FBP1: variants seen among roughly 807,000 people sequenced by gnomAD.
FBP1 encodes the protein fructose-bisphosphatase 1.
Under a neutral mutation model 29.9 loss-of-function variants are expected in FBP1, and 22 were observed. The observed-to-expected ratio is 0.74, with a 90% CI of 0.53 to 1.05. The LOEUF (loss-of-function observed/expected upper bound fraction) is 1.05. Among genes scored for constraint, FBP1 ranks in the 50% least tolerant of loss-of-function variants. The pLI is 0.00. For synonymous variants in FBP1, 175 were observed against 178.6 expected (o/e 0.98, Z 0.16); for missense variants, 345 against 448.2 (o/e 0.77, Z 2.08).
chr9:94,622,606 G>A (rs952830587), intron 1 of FBP1, among the ~76,000 whole-genome samples: 3 of 152,212 alleles, frequency 2.0e-5, no homozygotes, highest in Non-Finnish European at 2.9e-5. Context: ...GCCTGTCAGC[G>A]TCTTTCAGCC....
chr9:94,617,310 C>A (rs1827878149), intron 3 of FBP1, among the ~76,000 whole-genome samples: 1 of 152,106 alleles, frequency 6.6e-6, no homozygotes, highest in Non-Finnish European at 1.5e-5. Flanking sequence ...AATGGTTATT[C>A]TTTGTTCACA....
At chr9:94,608,974 G>A (rs1298838386) in intron 4 of FBP1, among the ~76,000 whole-genome samples, 1 of 152,168 alleles carries the variant, frequency 6.6e-6, no homozygotes, top group Non-Finnish European at 1.5e-5. Context: ...GCTGAGGCGG[G>A]CAGATCACCT....
chr9:94,632,934 TCTC>T (rs1828125278), intron 1 of FBP1, among the ~76,000 whole-genome samples: 1 of 152,042 alleles, frequency 6.6e-6, no homozygotes, highest in Non-Finnish European at 1.5e-5. Context: ...CTGGTCCAGA[TCTC>T]CTCCTCTTTT....
At position 94,603,403 on chromosome 9, in the gene FBP1, T is replaced by G; in HGVS notation, c.995A>C (p.Tyr332Ser). ...TGCTCACTGGGCAGAGTGCTTCTCA[T>G]ACACCTTCAGGAACTCGAGCACGTC... ...PDDVLEFLKVYEKHSAQ is the reference protein window; with the variant it reads ...PDDVLEFLKVSEKHSAQ Residue 332 changes from tyrosine to serine, a missense_variant, in exon 7 of 7, where the codon TAT becomes TCT. Coordinates refer to ENST00000375326, the MANE Select transcript of FBP1 (RefSeq NM_000507.4). The G allele has an allele frequency of 6.2e-7, 1 of 1,613,938 alleles. No individual in the cohort carries two copies. The highest frequency in any genetic ancestry group is 1.1e-5 in the South Asian group (1 of 91,000).
chr9:94,624,104 G>T (rs1302000315), intron 1 of FBP1, among the ~76,000 whole-genome samples: 5 of 151,770 alleles, frequency 3.3e-5, no homozygotes, highest in Non-Finnish European at 5.9e-5. Context: ...GGGAGGCCGA[G>T]GTGGGTGGAT....
intron 1 of FBP1, among the ~76,000 whole-genome samples, chr9:94,634,778 T>C (rs1259966291): frequency 2.6e-5 from 4 of 152,120 alleles, no homozygotes; most frequent in African/African-American, 7.2e-5. Context: ...CTGGCCAACA[T>C]GGCTAAACCC....
At chr9:94,619,462 C>T (rs536975662) in intron 2 of FBP1, among the ~76,000 whole-genome samples, 35 of 152,124 alleles carry the variant, frequency 2.3e-4, no homozygotes, top group Middle Eastern at 3.4e-3. Flanking sequence ...GCTGGGAATA[C>T]TCTTTCATTT....
At chr9:94,621,073 G>A (rs1827940055) in intron 1 of FBP1, among the ~76,000 whole-genome samples, 1 of 152,090 alleles carries the variant, frequency 6.6e-6, no homozygotes, top group Admixed American at 6.5e-5. Flanking sequence ...AAGTAGCCGG[G>A]TGTGGTGGTG....
rs192268777 is a variant in FBP1, at chr9:94,620,141, T to C, written c.333+188A>G. ...GAGAAGGCGGCGTGAGCCACAACAC[T>C]CATCTGCACAGTGGCTCAGGGAGGA... On this transcript the variant is annotated intron_variant, in intron 2 of 6. Transcript: ENST00000375326. Among the ~76,000 whole-genome samples the C allele has an allele frequency of 4.6e-5, 7 of 152,226 alleles. No individual in the cohort carries two copies. The East Asian group carries it at 1.4e-3, about 29-fold the overall frequency.
intron 1 of FBP1, among the ~76,000 whole-genome samples, chr9:94,629,069 C>A (rs1213360449): frequency 6.6e-6 from 1 of 152,308 alleles, no homozygotes; most frequent in East Asian, 1.9e-4. Flanking sequence ...GCAACCTCCC[C>A]CTCCCGGGTT....
chr9:94,610,390 C>A (rs1011485498), intron 3 of FBP1, among the ~76,000 whole-genome samples: 1 of 152,194 alleles, frequency 6.6e-6, no homozygotes, highest in African/African-American at 2.4e-5. Flanking sequence ...AATCTTATTA[C>A]GGGCATCCAT....
At chr9:94,617,953 G>T in intron 2 of FBP1, 93 bp from the exon 3 acceptor site, 1 of 989,820 alleles carries the variant, frequency 1.0e-6, no homozygotes, top group South Asian at 1.4e-5. Flanking sequence ...GAATTTAGAA[G>T]AAAGTTCAAA....
intron 1 of FBP1, among the ~76,000 whole-genome samples, chr9:94,638,312 C>T (rs28382867): frequency 0.052 from 7,988 of 152,156 alleles, 296 homozygotes; most frequent in East Asian, 0.14. Flanking sequence ...GGACCTGTCC[C>T]AGAGCTATGG....
At chr9:94,611,161 C>A in intron 3 of FBP1, among the ~76,000 whole-genome samples, 1 of 152,218 alleles carries the variant, frequency 6.6e-6, no homozygotes, top group East Asian at 1.9e-4. Context: ...CTGCGCCCAG[C>A]CTGATCTTCT....
chr9:94,634,819 G>A (rs1395142262), intron 1 of FBP1, among the ~76,000 whole-genome samples: 3 of 152,056 alleles, frequency 2.0e-5, no homozygotes, highest in Non-Finnish European at 4.4e-5. Flanking sequence ...AAATTAGGCC[G>A]GGCGCAGTGG....
In FBP1 at chr9:94,617,797, C is replaced by T. The variant is rs368583779; in HGVS notation, c.397G>A (p.Val133Ile). Residue 133 changes from valine to isoleucine, a missense_variant, in exon 3 of 7, where the codon GTT becomes ATT. Coordinates refer to ENST00000375326, the MANE Select transcript of FBP1 (RefSeq NM_000507.4). ...GSSNIDCLVS[V>I]GTIFGIYRKK... ...CTATAGATGCCAAAAATGGTTCCAA[C>T]GGACACAAGGCAATCGATGTTGGAA... is the stretch of plus-strand genomic sequence containing the variant. The T allele has an allele frequency of 1.1e-5, 18 of 1,613,406 alleles. No homozygotes were observed. The highest frequency in any genetic ancestry group is 4.0e-5 in the African/African-American group (3 of 74,912).
chr9:94,620,267 T>C, intron 2 of FBP1, 62 bp downstream of exon 2: 4 of 1,567,146 alleles, frequency 2.6e-6, no homozygotes, highest in South Asian at 2.2e-5. Flanking sequence ...GTGGAGTCAA[T>C]TATGAAGCTG....
chr9:94,632,443 G>A (rs1476335733), intron 1 of FBP1, among the ~76,000 whole-genome samples: 1 of 152,214 alleles, frequency 6.6e-6, no homozygotes, highest in Non-Finnish European at 1.5e-5. Context: ...GCTGAGGCGG[G>A]TGGATGACGA....
chr9:94,603,299 G>T lies in FBP1; in HGVS notation c.*82C>A. The T allele has an allele frequency of 5.6e-6, 6 of 1,069,174 alleles. No homozygotes were observed. Among genetic ancestry groups the T allele is most frequent in the African/African-American group, 3.1e-5 (2 of 64,110 alleles). 66.2% of individuals were successfully genotyped at this position (1,069,174 alleles called of 1,614,324 possible). A position where few individuals can be genotyped will look rare whatever the true frequency, so the allele number is the denominator to read the frequency against. On this transcript the variant is annotated 3_prime_UTR_variant, in exon 7 of 7. Transcript: ENST00000375326. The stretch of plus-strand genomic sequence containing the variant: ...TATTTCTGCTCTCTAGGAATGTAAG[G>T]TGCACAGCAGGTCAGGGTACTGCTG...
Sources: gnomAD v4.1 joint callset for allele counts (sites outside exome capture counted in the v4.1 genomes callset) on GRCh38, gnomAD v4.1.1 for gene constraint, MANE v1.5 for transcripts, NCBI Gene and HGNC (gene_info 2026-07-23, HGNC 2026-07-21) for gene names.